The following PLEKHG1 variants were observed in gnomAD, a reference collection of about 807,000 sequenced individuals.
The protein encoded by PLEKHG1 is pleckstrin homology domain-containing family G member 1.
In PLEKHG1, 44 loss-of-function variants were observed where a neutral mutation model predicts 100.8. That is an observed-to-expected ratio of 0.44 (90% confidence interval 0.34 to 0.56). PLEKHG1 has a LOEUF of 0.56. PLEKHG1 is among the 20% of genes least tolerant of loss of function. PLEKHG1 has a pLI of 0.01. For synonymous variants in PLEKHG1, 640 were observed against 662.5 expected (o/e 0.97, Z 0.52); for missense variants, 1,545 against 1,720.9 (o/e 0.90, Z 1.81).
At chr6:150,716,719 G>C (rs576811467), upstream of PLEKHG1, among the ~76,000 whole-genome samples, 12 of 152,344 alleles carry the variant, frequency 7.9e-5, no homozygotes, top group East Asian at 1.7e-3. Flanking sequence ...GAAGGATGGT[G>C]AAGCTAATTC....
chr6:150,742,397 T>C (rs531598782), intron 2 of PLEKHG1, among the ~76,000 whole-genome samples: 1 of 152,190 alleles, frequency 6.6e-6, no homozygotes, highest in East Asian at 1.9e-4. Flanking sequence ...AAACCCTGTC[T>C]CTACTAAAAG....
chr6:150,722,344 CTTTTCTTTTTTTTTT>C (rs1450598226), intron 1 of PLEKHG1, among the ~76,000 whole-genome samples: 46 of 125,980 alleles, frequency 3.7e-4, no homozygotes, highest in African/African-American at 1.3e-3. Flanking sequence ...TTTTCTTTTT[CTTTTCTTTTTTTTTT>C]TTTTTTTTTT....
chr6:150,840,148 C>G, exon 16 of PLEKHG1: 1 of 1,614,212 alleles, frequency 6.2e-7, no homozygotes, highest in Non-Finnish European at 8.5e-7. Context: ...ACCTCTGACC[C>G]TCTGCCAGGC....
chr6:150,835,387 A>G (rs997475430), intron 15 of PLEKHG1, among the ~76,000 whole-genome samples: 4 of 152,204 alleles, frequency 2.6e-5, no homozygotes, highest in Admixed American at 2.6e-4. Context: ...TTTTGTCTGC[A>G]TCTCGAGCAA....
chr6:150,664,432 T>C (rs912945040), intron 3 of PLEKHG1: 10 of 152,202 alleles, frequency 6.6e-5, no homozygotes, highest in East Asian at 3.8e-4. Context: ...TGGGGAGAAG[T>C]AGAGAACAAA....
intron 2 of PLEKHG1, among the ~76,000 whole-genome samples, chr6:150,758,579 C>T (rs1457785810): frequency 6.6e-6 from 1 of 152,216 alleles, no homozygotes. Flanking sequence ...AGGTGATCTG[C>T]CTGCCTTGGC....
chr6:150,834,513 T>C (rs1165051816), intron 15 of PLEKHG1, among the ~76,000 whole-genome samples: 1 of 152,222 alleles, frequency 6.6e-6, no homozygotes, highest in Non-Finnish European at 1.5e-5. Flanking sequence ...GGACCATCTG[T>C]TAAAATACAA....
intron 3 of PLEKHG1, among the ~76,000 whole-genome samples, chr6:150,652,447 G>A (rs73004397): frequency 0.074 from 11,295 of 152,190 alleles, 527 homozygotes; most frequent in Non-Finnish European, 0.1. Context: ...TTTCGTCTGG[G>A]TGCAGTGACT....
chr6:150,634,251 A>C (rs374282151), intron 1 of PLEKHG1, among the ~76,000 whole-genome samples: 1,288 of 114,026 alleles, frequency 0.011, 16 homozygotes, highest in African/African-American at 0.029. Context: ...TCTCCCCCCC[A>C]AAAAAAAAAA....
At chr6:150,839,715 G>A in intron 15 of PLEKHG1, 118 bp from the exon 17 acceptor site, 1 of 653,114 alleles carries the variant, frequency 1.5e-6, no homozygotes, top group Non-Finnish European at 2.7e-6. Flanking sequence ...ACATCAGTTA[G>A]TCTTGTCTAC....
chr6:150,824,344 C>G (rs1298942441), intron 14 of PLEKHG1, among the ~76,000 whole-genome samples: 1 of 152,140 alleles, frequency 6.6e-6, no homozygotes. Context: ...ATTAACAATT[C>G]TTAGAGAACT....
At chr6:150,791,755 A>T (rs868024601) in intron 4 of PLEKHG1, among the ~76,000 whole-genome samples, 1 of 152,194 alleles carries the variant, frequency 6.6e-6, no homozygotes, top group Non-Finnish European at 1.5e-5. Context: ...AATATTTTAC[A>T]TAATTATAGA....
chr6:150,840,189 C>G lies in PLEKHG1; in HGVS notation c.3451C>G (p.Gln1151Glu), dbSNP rs781448087. ...GCAGAGATGCAGCGTGGTAGTAAGT[C>G]AGCCCAACAAAGAGAACTGGTGTCA... The change falls in exon 16 of 16, where the codon CAG becomes GAG. Residue 1151 changes from glutamine to glutamate, a missense_variant. Coordinates refer to ENST00000358517, the Ensembl canonical transcript of PLEKHG1. 6.2e-6 allele frequency: 10 copies of G among 1,614,220 alleles called. No individual in the cohort carries two copies. In the South Asian group the frequency reaches 9.9e-5, roughly 16 times the overall value.
chr6:150,733,877 G>A (rs1439517525), exon 2 of PLEKHG1: 2 of 1,614,176 alleles, frequency 1.2e-6, no homozygotes, highest in Non-Finnish European at 8.5e-7. Context: ...TTCCAGCAGC[G>A]AGCTGCAGAG....
intron 13 of PLEKHG1, among the ~76,000 whole-genome samples, chr6:150,822,801 A>G (rs1438370952): frequency 6.6e-6 from 1 of 152,094 alleles, no homozygotes; most frequent in Non-Finnish European, 1.5e-5. Flanking sequence ...CCAACATGGC[A>G]AGATCCCATC....
chr6:150,825,551 A>G (rs1341325094), intron 14 of PLEKHG1, among the ~76,000 whole-genome samples: 1 of 152,194 alleles, frequency 6.6e-6, no homozygotes, highest in Non-Finnish European at 1.5e-5. Context: ...CAGCCTGGGC[A>G]ACAGAGTGAG....
At chr6:150,764,875 A>G (rs893475045) in intron 2 of PLEKHG1, among the ~76,000 whole-genome samples, 1 of 151,566 alleles carries the variant, frequency 6.6e-6, no homozygotes, top group African/African-American at 2.4e-5. Flanking sequence ...CCAAAACACT[A>G]TTCTATTTAT....
exon 1 of PLEKHG1, chr6:150,721,200 G>A (rs1255738112): frequency 6.1e-6 from 6 of 982,968 alleles, no homozygotes; most frequent in Non-Finnish European, 7.2e-6. Context: ...GTGGAGCAGA[G>A]GTAGGTGCTA....
chr6:150,739,114 G>C lies in PLEKHG1; in HGVS notation c.411+5022G>C, dbSNP rs141149592. 3.9e-3 allele frequency among the ~76,000 whole-genome samples: 597 copies of C among 152,278 alleles called. 10 individuals carry two copies. Among genetic ancestry groups the C allele is most frequent in the African/African-American group, 0.014 (578 of 41,544 alleles). ...TGGCCTCAGATATAGTTCACGGCCTGTTGTAACCTGTTAGTAAAGTTTTAA... is the reference window on the plus strand; with the variant it reads ...TGGCCTCAGATATAGTTCACGGCCTCTTGTAACCTGTTAGTAAAGTTTTAA... On this transcript the variant is annotated intron_variant, in intron 2 of 15. Transcript: ENST00000358517.
Sources: gnomAD v4.1 joint callset for allele counts (sites outside exome capture counted in the v4.1 genomes callset) on GRCh38, gnomAD v4.1.1 for gene constraint, MANE v1.5 for transcripts, NCBI Gene and HGNC (gene_info 2026-07-23, HGNC 2026-07-21) for gene names.